Variants in SLC35F3 observed in about 807,000 individuals in gnomAD.
SLC35F3 encodes the protein putative thiamine transporter SLC35F3.
SLC35F3 carries 25 observed loss-of-function variants against 49.9 expected under a neutral mutation model. That is an observed-to-expected ratio of 0.50 (90% CI 0.37 to 0.70). The LOEUF (loss-of-function observed/expected upper bound fraction) is 0.70. Ranked by LOEUF, SLC35F3 falls within the 30% of genes least tolerant of loss-of-function variation. The pLI is 0.00. For synonymous variants in SLC35F3, 275 were observed against 265.4 expected (o/e 1.04, Z -0.35); for missense variants, 525 against 639.8 (o/e 0.82, Z 1.94).
chr1:234,190,307 C>T (rs1666712129), intron 2 of SLC35F3, among the ~76,000 whole-genome samples: 1 of 152,204 alleles, frequency 6.6e-6, no homozygotes, highest in Non-Finnish European at 1.5e-5. Context: ...AACTAAGTGT[C>T]TGCTACCTTT....
chr1:233,973,299 C>T (rs1663024352), intron 2 of SLC35F3, among the ~76,000 whole-genome samples: 2 of 152,198 alleles, frequency 1.3e-5, no homozygotes, highest in South Asian at 4.1e-4. Context: ...CCATGGAAAG[C>T]TGAGCAGTTA....
intron 2 of SLC35F3, among the ~76,000 whole-genome samples, chr1:234,168,839 A>T (rs564427627): frequency 1.3e-5 from 2 of 152,340 alleles, no homozygotes; most frequent in African/African-American, 4.8e-5. Flanking sequence ...AAACGACCCC[A>T]GCCCTGCCTA....
intron 2 of SLC35F3, among the ~76,000 whole-genome samples, chr1:234,165,261 A>G (rs1186911536): frequency 6.6e-6 from 1 of 152,184 alleles, no homozygotes; most frequent in East Asian, 1.9e-4. Context: ...ATATTATTCC[A>G]TGTCAGCAAA....
chr1:234,223,400 G>A (rs573867309), intron 2 of SLC35F3, among the ~76,000 whole-genome samples: 1 of 152,124 alleles, frequency 6.6e-6, no homozygotes, highest in African/African-American at 2.4e-5. Flanking sequence ...GCCCCAAAAG[G>A]CAACTTTTGT....
chr1:234,040,624 A>C (rs777973838), intron 2 of SLC35F3, among the ~76,000 whole-genome samples: 1 of 152,234 alleles, frequency 6.6e-6, no homozygotes, highest in Non-Finnish European at 1.5e-5. Flanking sequence ...GGCTGCATCA[A>C]CTGCTTCCTG....
At chr1:234,152,328 G>A (rs1017221746) in intron 2 of SLC35F3, among the ~76,000 whole-genome samples, 1 of 151,866 alleles carries the variant, frequency 6.6e-6, no homozygotes. Context: ...GTGGTTTGCT[G>A]CACTCATTAA....
intron 3 of SLC35F3, among the ~76,000 whole-genome samples, chr1:234,265,633 C>T (rs1473948056): frequency 6.6e-6 from 1 of 152,104 alleles, no homozygotes; most frequent in Non-Finnish European, 1.5e-5. Context: ...CCTTGTGTCA[C>T]AAGGTTAGCC....
chr1:234,128,367 G>A (rs534422011), intron 2 of SLC35F3, among the ~76,000 whole-genome samples: 179 of 152,290 alleles, frequency 1.2e-3, no homozygotes, highest in African/African-American at 4.2e-3. Context: ...CAGTTAATGT[G>A]GAATGAGCTC....
At chr1:234,137,597 G>A (rs1665830389) in intron 2 of SLC35F3, among the ~76,000 whole-genome samples, 2 of 152,214 alleles carry the variant, frequency 1.3e-5, no homozygotes, top group Non-Finnish European at 2.9e-5. Context: ...CACAGCTTGA[G>A]GATTTGTCAG....
At chr1:234,123,874 A>C (rs1474930587) in intron 2 of SLC35F3, among the ~76,000 whole-genome samples, 1 of 152,214 alleles carries the variant, frequency 6.6e-6, no homozygotes, top group Non-Finnish European at 1.5e-5. Flanking sequence ...TAGTTTTAAC[A>C]GCTGTGATTT....
intron 2 of SLC35F3, among the ~76,000 whole-genome samples, chr1:233,919,224 G>A (rs1662021637): frequency 6.6e-6 from 1 of 152,154 alleles, no homozygotes; most frequent in Non-Finnish European, 1.5e-5. Context: ...TGTGAATTTT[G>A]GCTAGTTGTC....
chr1:234,252,655 A>C (rs940134160), intron 3 of SLC35F3, among the ~76,000 whole-genome samples: 1 of 152,242 alleles, frequency 6.6e-6, no homozygotes, highest in African/African-American at 2.4e-5. Flanking sequence ...AGAAATGTGA[A>C]TTAAAACATA....
chr1:234,252,568 A>G (rs1389042616), intron 3 of SLC35F3, among the ~76,000 whole-genome samples: 1 of 152,246 alleles, frequency 6.6e-6, no homozygotes, highest in Non-Finnish European at 1.5e-5. Context: ...CAAAGGATAT[A>G]AACAGATACT....
intron 2 of SLC35F3, among the ~76,000 whole-genome samples, chr1:234,172,941 C>T (rs1572080619): frequency 6.6e-6 from 1 of 152,196 alleles, no homozygotes; most frequent in African/African-American, 2.4e-5. Context: ...CCCCATGTGT[C>T]CCTCTTCCAG....
intron 2 of SLC35F3, among the ~76,000 whole-genome samples, chr1:234,138,714 ATTTTTTATTTTTACT>A (rs1298364637): frequency 6.6e-6 from 1 of 151,992 alleles, no homozygotes; most frequent in East Asian, 1.9e-4. Flanking sequence ...TGCTTAGCTA[ATTTTTTATTTTTACT>A]TTTATAGAGA....
At chr1:234,157,610 C>T (rs1438287301) in intron 2 of SLC35F3, among the ~76,000 whole-genome samples, 2 of 152,166 alleles carry the variant, frequency 1.3e-5, no homozygotes, top group Admixed American at 1.3e-4. Context: ...TTTCAGCATC[C>T]ATGTCTTCAC....
At chr1:234,123,808 G>T (rs757700969) in intron 2 of SLC35F3, among the ~76,000 whole-genome samples, 1 of 152,150 alleles carries the variant, frequency 6.6e-6, no homozygotes, top group South Asian at 2.1e-4. Flanking sequence ...TGTAAGAAAA[G>T]AATCTAAAAG....
intron 2 of SLC35F3, among the ~76,000 whole-genome samples, chr1:233,984,540 G>T (rs1663236863): frequency 6.6e-6 from 1 of 152,342 alleles, no homozygotes; most frequent in East Asian, 1.9e-4. Context: ...GCCTGAAAGA[G>T]CGGAATGACT....
At chr1:234,079,774 G>A (rs533832654) in intron 2 of SLC35F3, among the ~76,000 whole-genome samples, 4 of 152,254 alleles carry the variant, frequency 2.6e-5, no homozygotes, top group Admixed American at 6.5e-5. Context: ...AAATATTAAC[G>A]AGGATATAGA....
Sources: allele counts gnomAD v4.1 joint callset (sites outside exome capture counted in the v4.1 genomes callset), GRCh38; gene constraint gnomAD v4.1.1; transcripts MANE v1.5; gene names NCBI Gene and HGNC (gene_info 2026-07-23, HGNC 2026-07-21).